The following ARHGEF9 variants were observed in gnomAD, a reference collection of about 807,000 sequenced individuals.
ARHGEF9 encodes the protein Cdc42 guanine nucleotide exchange factor 9.
In ARHGEF9, 2 loss-of-function variants were observed where a neutral mutation model predicts 41.3. The ratio of observed to expected loss-of-function variants is 0.05; its 90% CI spans 0.02 to 0.15. ARHGEF9 has a LOEUF of 0.15. Ranked by LOEUF, ARHGEF9 falls within the 10% of genes least tolerant of loss-of-function variation. The pLI, the probability that ARHGEF9 is intolerant of heterozygous loss-of-function variation, is 1.00. For synonymous variants in ARHGEF9, 160 were observed against 154.4 expected (o/e 1.04, Z -0.27); for missense variants, 225 against 424.7 (o/e 0.53, Z 4.13).
intron 1 of ARHGEF9, among the ~76,000 whole-genome samples, chrX:63,776,898 C>A (rs1315274205): frequency 9.0e-6 from 1 of 111,506 alleles, no homozygotes; most frequent in Non-Finnish European, 1.9e-5. Flanking sequence ...AGCTCAATAT[C>A]TGATCACCAA....
chrX:63,774,775 A>G (rs782592298), intron 1 of ARHGEF9, among the ~76,000 whole-genome samples: 72 of 112,133 alleles, frequency 6.4e-4, no homozygotes, highest in Non-Finnish European at 1.2e-3. Context: ...AAAAGATTTC[A>G]TGACAAAGAC....
At position 63,777,444 on chromosome X, in the gene ARHGEF9, C is replaced by T. The variant is rs1484560585; in HGVS notation, c.30+7672G>A. On this transcript the variant is annotated intron_variant, in intron 1 of 9. Transcript: ENST00000671741. Reference sequence around the variant, plus strand: ...CAGCCAAACCATAGCATTCCACCACCGGCCCCTCCCAAATCTCATGTCCTC... The same window carrying T: ...CAGCCAAACCATAGCATTCCACCACTGGCCCCTCCCAAATCTCATGTCCTC... 8.1e-5 allele frequency among the ~76,000 whole-genome samples: 9 copies of T among 110,824 alleles called. No homozygotes were observed. In the East Asian group the frequency reaches 2.0e-3, roughly 25 times the overall value.
intron 4 of ARHGEF9, among the ~76,000 whole-genome samples, chrX:63,690,453 G>A (rs2051265165): frequency 9.0e-6 from 1 of 111,075 alleles, no homozygotes; most frequent in South Asian, 3.7e-4. Context: ...TAGAAAACCT[G>A]AACAAACCAA....
At position 63,634,980 on chromosome X, in the gene ARHGEF9, C is replaced by A; in HGVS notation, c.*3048G>T. Reference sequence around the variant, plus strand: ...TATGCCAGGAGGTGTCTTTTTACTTCTTTTATTGAACTCCATAAATATTTT... The same window carrying A: ...TATGCCAGGAGGTGTCTTTTTACTTATTTTATTGAACTCCATAAATATTTT... On this transcript the variant is annotated 3_prime_UTR_variant, in exon 10 of 10. Transcript: ENST00000671741. 5.3e-6 allele frequency: 1 copy of A among 188,267 alleles called. No homozygotes were observed. The highest frequency in any genetic ancestry group is 9.5e-6 in the Non-Finnish European group (1 of 105,164). The allele number at this position is 188,267 out of a possible 1,213,427, so 15.5% of individuals were successfully genotyped here. A position where few individuals can be genotyped will look rare whatever the true frequency, so the allele number is the denominator to read the frequency against.
chrX:63,702,776 G>A (rs2052270630), intron 3 of ARHGEF9, among the ~76,000 whole-genome samples: 1 of 112,138 alleles, frequency 8.9e-6, no homozygotes, highest in Non-Finnish European at 1.9e-5. Flanking sequence ...AGAAAATGCA[G>A]AAGTAGCCTG....
intron 3 of ARHGEF9, among the ~76,000 whole-genome samples, chrX:63,699,875 CTG>C (rs2052031178): frequency 8.9e-6 from 1 of 112,070 alleles, no homozygotes. Context: ...GATTACAACT[CTG>C]TAAATATATA....
At chrX:63,691,434 A>C (rs1481576328) in intron 4 of ARHGEF9, among the ~76,000 whole-genome samples, 1 of 110,832 alleles carries the variant, frequency 9.0e-6, no homozygotes, top group Admixed American at 9.6e-5. Flanking sequence ...ACAGAAGTGA[A>C]AGATCTCTAA....
At chrX:63,683,422 C>T (rs1556371748) in intron 4 of ARHGEF9, among the ~76,000 whole-genome samples, 2 of 111,459 alleles carry the variant, frequency 1.8e-5, no homozygotes, top group South Asian at 7.5e-4. Context: ...GTCCCTACTA[C>T]TCAAAGTGAT....
Position 63,636,729 on chromosome X carries a change from T to C in ARHGEF9, c.*1299A>G. On this transcript the variant is annotated 3_prime_UTR_variant, in exon 10 of 10. Transcript: ENST00000671741. Reference sequence around the variant, plus strand: ...GAAGTCTCACACAATTTTAGGGTGGTAGAAAATGCAGGTACAATACTGTGG... The same window carrying C: ...GAAGTCTCACACAATTTTAGGGTGGCAGAAAATGCAGGTACAATACTGTGG... 3.4e-6 allele frequency: 1 copy of C among 293,857 alleles called. No individual in the cohort carries two copies. The highest frequency in any genetic ancestry group is 5.9e-6 in the Non-Finnish European group (1 of 168,268). 24.2% of individuals were successfully genotyped at this position (293,857 alleles called of 1,213,427 possible). A position where few individuals can be genotyped will look rare whatever the true frequency, so the allele number is the denominator to read the frequency against.
intron 1 of ARHGEF9, among the ~76,000 whole-genome samples, chrX:63,745,383 G>A (rs1556432434): frequency 1.8e-5 from 2 of 110,729 alleles, no homozygotes; most frequent in Admixed American, 1.9e-4. Context: ...CCTACTCCCT[G>A]GAACTCCAAG....
intron 8 of ARHGEF9, among the ~76,000 whole-genome samples, chrX:63,650,460 T>C (rs2048470610): frequency 9.0e-6 from 1 of 111,128 alleles, no homozygotes; most frequent in Admixed American, 9.6e-5. Flanking sequence ...GTGGATTTCA[T>C]AAAGATAGAG....
At chrX:63,653,707 G>A (rs1556332314) in intron 8 of ARHGEF9, among the ~76,000 whole-genome samples, 1 of 111,421 alleles carries the variant, frequency 9.0e-6, no homozygotes, top group Admixed American at 9.6e-5. Flanking sequence ...ATTTCATTCA[G>A]TATGGAAGTG....
intron 8 of ARHGEF9, among the ~76,000 whole-genome samples, chrX:63,653,880 G>T (rs782045144): frequency 1.4e-4 from 15 of 111,030 alleles, no homozygotes; most frequent in Non-Finnish European, 2.6e-4. Flanking sequence ...AATATGAAGT[G>T]ATCTGATAGA....
At chrX:63,692,024 C>T (rs1347221635) in intron 4 of ARHGEF9, among the ~76,000 whole-genome samples, 1 of 111,408 alleles carries the variant, frequency 9.0e-6, no homozygotes, top group Admixed American at 9.6e-5. Flanking sequence ...TAAAACTAGA[C>T]CCCTATCTCT....
intron 1 of ARHGEF9, among the ~76,000 whole-genome samples, chrX:63,738,959 A>T (rs2054780336): frequency 9.0e-6 from 1 of 111,646 alleles, no homozygotes; most frequent in Non-Finnish European, 1.9e-5. Context: ...GGAAAACCAC[A>T]CTAAGGGAGA....
intron 4 of ARHGEF9, among the ~76,000 whole-genome samples, chrX:63,694,075 T>G (rs1364263494): frequency 9.2e-6 from 1 of 108,941 alleles, no homozygotes; most frequent in East Asian, 2.9e-4. Context: ...CCCAGCTACT[T>G]GGGACAGTGA....
chrX:63,733,382 C>G (rs2054429936), intron 1 of ARHGEF9, among the ~76,000 whole-genome samples: 1 of 112,049 alleles, frequency 8.9e-6, no homozygotes, highest in South Asian at 3.7e-4. Flanking sequence ...CCAGTGATCA[C>G]CAGGGAAAGA....
chrX:63,771,021 A>T (rs1556454503), intron 1 of ARHGEF9, among the ~76,000 whole-genome samples: 1 of 112,581 alleles, frequency 8.9e-6, no homozygotes, highest in Non-Finnish European at 1.9e-5. Context: ...TTTTCACCAC[A>T]TAAACGCCAA....
chrX:63,635,638 AGAG>A lies in ARHGEF9; in HGVS notation c.*2387_*2389del, dbSNP rs1336586745. 5.7e-6 allele frequency: 2 copies of A among 352,224 alleles called. No homozygotes were observed. Among genetic ancestry groups the A allele is most frequent in the Non-Finnish European group, 9.7e-6 (2 of 207,184 alleles). The allele number at this position is 352,224 out of a possible 1,213,427, so 29.0% of individuals were successfully genotyped here. ...ATCAGGTGATGCCAGTGGGTTCAGT[AGAG>A]GAGAAGTGCGGGTTGAGAAGTAATA... On this transcript the variant is annotated 3_prime_UTR_variant, in exon 10 of 10. Transcript: ENST00000671741.
Sources: allele counts gnomAD v4.1 joint callset (sites outside exome capture counted in the v4.1 genomes callset), GRCh38; gene constraint gnomAD v4.1.1; transcripts MANE v1.5; gene names NCBI Gene and HGNC (gene_info 2026-07-23, HGNC 2026-07-21).